CCDC159: variants seen among roughly 807,000 people sequenced by gnomAD.
CCDC159 encodes the protein coiled-coil domain containing 159.
CCDC159 carries 40 observed loss-of-function variants against 50.9 expected under a neutral mutation model. That is an observed-to-expected ratio of 0.79 (90% CI 0.61 to 1.02). The LOEUF (loss-of-function observed/expected upper bound fraction) is 1.02, where lower values mean the gene tolerates loss of function less well. Among genes scored for constraint, CCDC159 ranks in the 50% least tolerant of loss-of-function variants. CCDC159 has a pLI of 0.00. For missense variants in CCDC159, 356 were observed against 371.5 expected (o/e 0.96, Z 0.34); for synonymous variants, 146 against 138.9 (o/e 1.05, Z -0.36).
chr19:11,353,771 C>CA (rs1260714291), intron 8 of CCDC159, 21 bp from the exon 9 acceptor site: 34 of 1,582,692 alleles, frequency 2.1e-5, no homozygotes, highest in Non-Finnish European at 2.9e-5. Context: ...CCAGCGCCCC[C>CA]AGCTCCTTGT....
At chr19:11,350,766 G>C (rs1323174810) in intron 4 of CCDC159, 42 bp from the exon 5 acceptor site, 13 of 1,501,542 alleles carry the variant, frequency 8.7e-6, no homozygotes, top group Non-Finnish European at 8.9e-7. Context: ...GCTGGGTTCA[G>C]GGTGGGATCA....
chr19:11,346,766 G>A (rs1967261764), intron 1 of CCDC159, 139 bp downstream of exon 1: 2 of 955,016 alleles, frequency 2.1e-6, no homozygotes, highest in African/African-American at 3.3e-5. Flanking sequence ...GATGGGACGG[G>A]GAGAGAGGAG....
chr19:11,354,103 C>A (rs1967743222), intron 9 of CCDC159, among the ~76,000 whole-genome samples: 1 of 152,196 alleles, frequency 6.6e-6, no homozygotes, highest in Non-Finnish European at 1.5e-5. Flanking sequence ...GGGGACTCCA[C>A]ACAGTGGCTC....
intron 1 of CCDC159, among the ~76,000 whole-genome samples, chr19:11,347,455 C>T (rs970754594): frequency 2.0e-5 from 3 of 152,192 alleles, no homozygotes; most frequent in African/African-American, 7.2e-5. Flanking sequence ...CTCACCCTTC[C>T]AAGTAGCTGA....
At chr19:11,350,297 T>A (rs1303025458) in intron 4 of CCDC159, 98 bp downstream of exon 4, 10 of 1,001,484 alleles carry the variant, frequency 1.0e-5, no homozygotes, top group Non-Finnish European at 1.5e-5. Flanking sequence ...TTGGATCACT[T>A]GAGGTCAGGA....
Position 11,349,664 on chromosome 19 carries a change from A to G in CCDC159, c.32A>G (p.Glu11Gly). ...ATCTCTCTTCCTTAGAAGCCCTTGGAGACCAGCTCTTCCAAAGTCAAAGGT... is the reference window on the plus strand; with the variant it reads ...ATCTCTCTTCCTTAGAAGCCCTTGGGGACCAGCTCTTCCAAAGTCAAAGGT... MGEHEQVKPL[E>G]TSSSKVKAKT... Residue 11 changes from glutamate (E) to glycine (G), a missense_variant, in exon 2 of 11, where the codon GAG becomes GGG. Physicochemically the swap from Glu to Gly is moderately conservative, Grantham distance 98. Transcript: ENST00000458408. 1 of 1,613,122 alleles carries G rather than the reference A, an allele frequency of 6.2e-7. No individual in the cohort carries two copies. Among genetic ancestry groups the G allele is most frequent in the Non-Finnish European group, 8.5e-7 (1 of 1,179,372 alleles).
At chr19:11,353,606 T>TC in intron 8 of CCDC159, 34 bp downstream of exon 8, 1 of 1,605,090 alleles carries the variant, frequency 6.2e-7, no homozygotes. Context: ...CCCCTGACCC[T>TC]CCTCTGAACC....
intron 7 of CCDC159, 35 bp from the exon 8 acceptor site, chr19:11,353,416 T>A (rs1266772188): frequency 6.5e-7 from 1 of 1,539,544 alleles, no homozygotes; most frequent in East Asian, 2.5e-5. Flanking sequence ...TCATTATTAT[T>A]ATGACTGCTG....
chr19:11,351,711 TGA>T (rs1252523577), intron 5 of CCDC159, 193 bp from the exon 6 acceptor site: 3 of 515,472 alleles, frequency 5.8e-6, no homozygotes, highest in Non-Finnish European at 6.8e-6. Flanking sequence ...TGGGAGAGAC[TGA>T]GAGAATGGGA....
intron 2 of CCDC159, 43 bp from the exon 3 acceptor site, chr19:11,349,895 C>T (rs1364613015): frequency 1.3e-6 from 2 of 1,589,934 alleles, no homozygotes; most frequent in African/African-American, 2.7e-5. Flanking sequence ...TGCCCCAGAC[C>T]CCACCCCTTA....
chr19:11,353,730 G>A (rs774038452), intron 8 of CCDC159, 62 bp from the exon 9 acceptor site: 164 of 1,544,324 alleles, frequency 1.1e-4, no homozygotes, highest in Non-Finnish European at 1.4e-4. Context: ...TAGCTGTACT[G>A]CTGTCTACAC....
In CCDC159 at chr19:11,348,635, T is replaced by C. The variant is rs577442929; in HGVS notation, c.22-1019T>C. The C allele has an allele frequency of 3.3e-5, 14 of 428,992 alleles. No homozygotes were observed. In the Admixed American group the frequency reaches 3.5e-4, roughly 11 times the overall value. 26.6% of individuals were successfully genotyped at this position (428,992 alleles called of 1,614,324 possible). Reference sequence around the variant, plus strand: ...TTTTATCCAGCTTTGGCTCCTACCATAACTGAGAAGCCTTGAGTTTAGGGC... The same window carrying C: ...TTTTATCCAGCTTTGGCTCCTACCACAACTGAGAAGCCTTGAGTTTAGGGC... On this transcript the variant is annotated intron_variant, in intron 1 of 10. Transcript: ENST00000458408.
intron 1 of CCDC159, chr19:11,348,208 G>A (rs1003334766): frequency 6.2e-5 from 28 of 449,378 alleles, no homozygotes; most frequent in African/African-American, 4.9e-4. Context: ...CTCTTCTGAG[G>A]CCTGATTTTT....
chr19:11,354,045 G>A (rs1004758686), intron 9 of CCDC159, among the ~76,000 whole-genome samples, 171 bp downstream of exon 9: 2 of 152,190 alleles, frequency 1.3e-5, no homozygotes, highest in African/African-American at 4.8e-5. Context: ...TCATCCAGGA[G>A]TCATTCATGG....
chr19:11,351,704 G>A, intron 5 of CCDC159: 1 of 552,728 alleles, frequency 1.8e-6, no homozygotes. Flanking sequence ...AGTGGGGTGG[G>A]AGAGACTGAG....
chr19:11,354,699 G>A lies in CCDC159; in HGVS notation c.889+3G>A, dbSNP rs769158442. ...GAGCGGCCGCTCCTTCCCACCCGGT[G>A]CAGATCCTCCCCAGTCCCCCCCTCC... On this transcript the variant is annotated splice_donor_region_variant and intron_variant, in intron 10 of 10. Coordinates refer to ENST00000458408, the MANE Select transcript of CCDC159 (RefSeq NM_001080503.3). 1.6e-5 allele frequency: 26 copies of A among 1,606,886 alleles called. No homozygotes were observed. The highest frequency in any genetic ancestry group is 1.2e-4 in the Admixed American group (7 of 58,752).
At position 11,346,678 on chromosome 19, in the gene CCDC159, CA is replaced by C. The variant is rs369389941; in HGVS notation, c.21+52del. The C allele has an allele frequency of 3.0e-4, 458 of 1,545,508 alleles. 4 individuals are homozygous for C. The East Asian group carries it at 8.8e-3, about 30-fold the overall frequency. ...CCTGGCGGGTGTAGATTTCACAACC[CA>C]GGGGGCGGAGCCAGGATGATGACCC... On this transcript the variant is annotated intron_variant, in intron 1 of 10. Transcript: ENST00000458408.
intron 1 of CCDC159, chr19:11,348,009 T>C: frequency 2.4e-6 from 1 of 413,190 alleles, no homozygotes; most frequent in Non-Finnish European, 4.8e-6. Flanking sequence ...AACTCCTGGC[T>C]TGGCCGTCAA....
chr19:11,352,268 A>G lies in CCDC159; in HGVS notation c.567+135A>G, dbSNP rs62131132. On this transcript the variant is annotated intron_variant, in intron 7 of 10. Transcript: ENST00000458408. ...ACTCACTGCTGTGTGACTGTGGGCA[A>G]GTCACTTGACCTCTCTGAGCCTCAG... 0.014 allele frequency: 11,594 copies of G among 844,856 alleles called. 130 individuals carry two copies. Among genetic ancestry groups the G allele is most frequent in the Middle Eastern group, 0.028 (87 of 3,152 alleles). 52.3% of individuals were successfully genotyped at this position (844,856 alleles called of 1,614,324 possible).
Sources: gnomAD v4.1 joint callset for allele counts (sites outside exome capture counted in the v4.1 genomes callset) on GRCh38, gnomAD v4.1.1 for gene constraint, MANE v1.5 for transcripts, NCBI Gene and HGNC (gene_info 2026-07-23, HGNC 2026-07-21) for gene names.